Variants in KCNMB2 observed in about 807,000 individuals in gnomAD.
KCNMB2 encodes calcium-activated potassium channel subunit beta-2.
In KCNMB2, 9 loss-of-function variants were observed where a neutral mutation model predicts 24.5. That is an observed-to-expected ratio of 0.37 (90% CI 0.22 to 0.64). KCNMB2 has a LOEUF of 0.64. KCNMB2 is among the 30% of genes least tolerant of loss of function. KCNMB2 has a pLI of 0.63. For missense variants in KCNMB2, 226 were observed against 284.3 expected, an observed-to-expected ratio of 0.79 and a Z score of 1.47; for synonymous variants, 109 against 104.4, an observed-to-expected ratio of 1.04 and a Z score of -0.27.
chr3:178,540,757 C>A (rs1422382908), intron 1 of KCNMB2, among the ~76,000 whole-genome samples: 1 of 152,174 alleles, frequency 6.6e-6, no homozygotes, highest in Non-Finnish European at 1.5e-5. Flanking sequence ...AAATCACACC[C>A]CTTTGTACAC....
intron 1 of KCNMB2, among the ~76,000 whole-genome samples, chr3:178,714,598 C>A (rs779296970): frequency 2.0e-5 from 3 of 152,126 alleles, no homozygotes; most frequent in Non-Finnish European, 4.4e-5. Flanking sequence ...AGGAACAGTG[C>A]GCAGAAGTGA....
chr3:178,577,638 A>G (rs538196809), intron 1 of KCNMB2, among the ~76,000 whole-genome samples: 1 of 152,324 alleles, frequency 6.6e-6, no homozygotes, highest in African/African-American at 2.4e-5. Context: ...GGTTAGAGGA[A>G]TTGCTAACTA....
At chr3:178,714,999 A>G (rs2108352899) in intron 1 of KCNMB2, among the ~76,000 whole-genome samples, 1 of 152,360 alleles carries the variant, frequency 6.6e-6, no homozygotes, top group East Asian at 1.9e-4. Flanking sequence ...AGCACTGAAA[A>G]GAAAAAAATA....
intron 1 of KCNMB2, among the ~76,000 whole-genome samples, chr3:178,770,458 C>G (rs1467148815): frequency 6.6e-6 from 1 of 152,166 alleles, no homozygotes; most frequent in Non-Finnish European, 1.5e-5. Context: ...AAGATGAGGA[C>G]CAAGTGCGGT....
chr3:178,566,234 A>C (rs1278302978), intron 1 of KCNMB2, among the ~76,000 whole-genome samples: 2 of 152,338 alleles, frequency 1.3e-5, no homozygotes, highest in East Asian at 1.9e-4. Context: ...TATTAGTCCA[A>C]CTTTTTCCGG....
chr3:178,596,874 A>G (rs73054325), intron 1 of KCNMB2, among the ~76,000 whole-genome samples: 130 of 152,254 alleles, frequency 8.5e-4, no homozygotes, highest in African/African-American at 3.0e-3. Context: ...ATCTCCACCA[A>G]AACTAAAAGA....
In KCNMB2 at chr3:178,842,935, T is replaced by A; in HGVS notation, c.706T>A (p.Ter236LysextTer7). ...TGAGAGGATCCAACGGATCAATAGA[T>A]AAATGCAAAAATGGATAAAATAATT... ...LCERIQRINR[*>K] Residue 236 changes from the stop codon to lysine (K), a stop_lost, in exon 5 of 5, where the codon TAA (stop) becomes AAA (lysine). Transcript: ENST00000452583. 6.3e-7 allele frequency: 1 copy of A among 1,594,072 alleles called. No individual in the cohort carries two copies. The highest frequency in any genetic ancestry group is 1.4e-5 in the African/African-American group (1 of 73,984).
At chr3:178,603,604 C>G (rs548721044) in intron 1 of KCNMB2, among the ~76,000 whole-genome samples, 9 of 152,254 alleles carry the variant, frequency 5.9e-5, no homozygotes, top group African/African-American at 2.2e-4. Context: ...TGCTCTACAA[C>G]TGCAGAGAGG....
intron 4 of KCNMB2, among the ~76,000 whole-genome samples, chr3:178,835,927 A>G (rs1224512121): frequency 6.6e-6 from 1 of 152,138 alleles, no homozygotes; most frequent in Non-Finnish European, 1.5e-5. Context: ...TCACCTATAT[A>G]TAACATGCTA....
At chr3:178,841,786 C>T (rs1715437872) in intron 4 of KCNMB2, among the ~76,000 whole-genome samples, 1 of 152,138 alleles carries the variant, frequency 6.6e-6, no homozygotes, top group Non-Finnish European at 1.5e-5. Flanking sequence ...CATGGTATTA[C>T]AATTCAAGTG....
chr3:178,631,549 G>T (rs998129140), intron 1 of KCNMB2, among the ~76,000 whole-genome samples: 4 of 152,186 alleles, frequency 2.6e-5, no homozygotes, highest in African/African-American at 9.7e-5. Context: ...GGTGAACACT[G>T]GATCGGGGGG....
intron 1 of KCNMB2, among the ~76,000 whole-genome samples, chr3:178,779,988 C>T (rs569413358): frequency 3.7e-4 from 55 of 149,542 alleles, no homozygotes; most frequent in Non-Finnish European, 7.1e-4. Context: ...CTATACTTAC[C>T]AGGTTTCAAT....
intron 1 of KCNMB2, among the ~76,000 whole-genome samples, chr3:178,705,193 G>C (rs1437319271): frequency 6.6e-6 from 1 of 151,966 alleles, no homozygotes; most frequent in African/African-American, 2.4e-5. Flanking sequence ...CAGCCCTTCT[G>C]GTAGCTTCAC....
At chr3:178,813,310 T>TTA (rs1485739341) in intron 2 of KCNMB2, among the ~76,000 whole-genome samples, 2 of 152,212 alleles carry the variant, frequency 1.3e-5, no homozygotes, top group Non-Finnish European at 2.9e-5. Flanking sequence ...ATATCATGAA[T>TTA]TATCATGATT....
chr3:178,602,936 A>AGTT (rs1355002216), intron 1 of KCNMB2, among the ~76,000 whole-genome samples: 1 of 152,092 alleles, frequency 6.6e-6, no homozygotes, highest in East Asian at 1.9e-4. Context: ...AATATATTGG[A>AGTT]GTTAGAGATT....
Position 178,652,662 on chromosome 3 carries a change from T to C in KCNMB2, c.-68+115951T>C, listed in dbSNP as rs556389408. 1.5e-4 allele frequency among the ~76,000 whole-genome samples: 18 copies of C among 120,876 alleles called. No individual in the cohort carries two copies. In the South Asian group the frequency reaches 1.5e-3, roughly 10 times the overall value. 79.3% of individuals were successfully genotyped at this position (120,876 alleles called of 152,430 possible). A position where few individuals can be genotyped will look rare whatever the true frequency, so the allele number is the denominator to read the frequency against. ...ATTTCTGGACCTCTAGTTCTCTATA[T>C]ACTTTTTTTTTTTTTTGAGACAAGA... is the stretch of plus-strand genomic sequence containing the variant. On this transcript the variant is annotated intron_variant, in intron 1 of 4. Transcript: ENST00000452583.
rs1285296099 is a variant in KCNMB2, at chr3:178,742,503, G to A, written c.-67-64840G>A. On this transcript the variant is annotated intron_variant, in intron 1 of 4. Coordinates refer to ENST00000452583, the MANE Select transcript of KCNMB2 (RefSeq NM_181361.3). ...GGAATAATAATTATTTTTGGTCGAG[G>A]CAAAACTAAAGCCAAAGTTTAAATA... Among the ~76,000 whole-genome samples the A allele has an allele frequency of 2.0e-5, 3 of 152,068 alleles. No homozygotes were observed. The East Asian group carries it at 5.8e-4, about 29-fold the overall frequency.
At chr3:178,749,393 C>A (rs1258944087) in intron 1 of KCNMB2, among the ~76,000 whole-genome samples, 1 of 152,184 alleles carries the variant, frequency 6.6e-6, no homozygotes, top group African/African-American at 2.4e-5. Flanking sequence ...AAGCTATAAG[C>A]CCCTAGAGAT....
chr3:178,631,649 G>A (rs1005740510), intron 1 of KCNMB2, among the ~76,000 whole-genome samples: 1 of 152,216 alleles, frequency 6.6e-6, no homozygotes, highest in South Asian at 2.1e-4. Flanking sequence ...AAGAATGAGA[G>A]AGGGAAATTC....
Sources: allele counts gnomAD v4.1 joint callset (sites outside exome capture counted in the v4.1 genomes callset), GRCh38; gene constraint gnomAD v4.1.1; transcripts MANE v1.5; gene names NCBI Gene and HGNC (gene_info 2026-07-23, HGNC 2026-07-21).